The following SEMA6C variants were observed in gnomAD, a reference collection of about 807,000 sequenced individuals.
SEMA6C encodes the protein semaphorin 6C, also known as semaphorin-6C.
A neutral mutation model predicts 72.9 loss-of-function variants in SEMA6C; 37 were observed. The ratio of observed to expected loss-of-function variants is 0.51; its 90% CI spans 0.39 to 0.67. SEMA6C has a LOEUF of 0.67. Ranked by LOEUF, SEMA6C falls within the 30% of genes least tolerant of loss-of-function variation. The pLI is 0.00. For missense variants in SEMA6C, 1,189 were observed against 1,263.6 expected (o/e 0.94, Z 0.89); for synonymous variants, 578 against 554.1 (o/e 1.04, Z -0.61).
Position 151,139,448 on chromosome 1 carries a change from A to G in SEMA6C, c.331T>C (p.Cys111Arg), listed in dbSNP as rs1682344953. The change falls in exon 6 of 19, where the codon TGT becomes CGT. Residue 111 changes from cysteine to arginine, a missense_variant. Cys to Arg is a radical substitution (Grantham distance 180). Transcript: ENST00000368914. ...ACCGTCAGCTTTCCCCGTACAGCACAGTTCTCCACATCTTGGCTTCTCCAT... is the reference window on the plus strand; with the variant it reads ...ACCGTCAGCTTTCCCCGTACAGCACGGTTCTCCACATCTTGGCTTCTCCAT... ...LTWRSQDVENCAVRGKLTDEC... is the reference protein window; with the variant it reads ...LTWRSQDVENRAVRGKLTDEC... 6.2e-7 allele frequency: 1 copy of G among 1,614,146 alleles called. No homozygotes were observed. The highest frequency in any genetic ancestry group is 8.5e-7 in the Non-Finnish European group (1 of 1,179,978).
chr1:151,138,425 G>A lies in SEMA6C; in HGVS notation c.457-19C>T, dbSNP rs1265414747. On this transcript the variant is annotated intron_variant, in intron 7 of 18. Coordinates refer to ENST00000368914, the MANE Select transcript of SEMA6C (RefSeq NM_030913.6). ...AAGTTATCTGAGGGCAGAGGGAGCA[G>A]ATGCCTGGAACCTTTAGGGTCTTGG... 3 of 1,608,256 alleles carry A rather than the reference G, an allele frequency of 1.9e-6. No individual in the cohort carries two copies. In the Admixed American group the frequency reaches 5.0e-5, roughly 27 times the overall value.
Position 151,137,973 on chromosome 1 carries a change from G to C in SEMA6C, c.667+13C>G, listed in dbSNP as rs376430549. 2 of 1,612,270 alleles carry C rather than the reference G, an allele frequency of 1.2e-6. No homozygotes were observed. The highest frequency in any genetic ancestry group is 2.7e-5 in the African/African-American group (2 of 74,894). The stretch of plus-strand genomic sequence containing the variant: ...CCCCAATAACAGTCTCCTTTCCCCA[G>C]GCCCGCCCTGACCTCGGAGCCACTT... On this transcript the variant is annotated intron_variant, in intron 9 of 18. Coordinates refer to ENST00000368914, the MANE Select transcript of SEMA6C (RefSeq NM_030913.6).
chr1:151,142,960 G>A (rs587743997), intron 2 of SEMA6C, among the ~76,000 whole-genome samples: 1 of 152,206 alleles, frequency 6.6e-6, no homozygotes, highest in South Asian at 2.1e-4. Context: ...CTCCTGACTG[G>A]GTCTGGGACA....
In SEMA6C at chr1:151,132,771, CG is replaced by C; in HGVS notation, c.2505del (p.Ala836ArgfsTer62). 1 of 1,404,132 alleles carries C rather than the reference CG, an allele frequency of 7.1e-7. No homozygotes were observed. The highest frequency in any genetic ancestry group is 9.3e-7 in the Non-Finnish European group (1 of 1,076,452). 87.0% of individuals were successfully genotyped at this position (1,404,132 alleles called of 1,614,324 possible). On this transcript the variant is annotated frameshift_variant, in exon 19 of 19. Transcript: ENST00000368914. LOFTEE classifies it low-confidence loss of function (END_TRUNC). ...EGRCASAPAR[P>X]ALSAPAPRLG... is the part of the protein sequence containing the mutation. The stretch of plus-strand genomic sequence containing the variant: ...AGCCGGGGAGCGGGGGCGGAGAGCG[CG>C]GGCCGGGCGGGGGCAGAGGCGCACC...
chr1:151,132,232 G>A lies in SEMA6C; in HGVS notation c.*252C>T. ...TTGGCTGGAAGGGAGCGGGGAGTGG[G>A]AGTCCGCCAGCTCCCCCTGAAATGC... On this transcript the variant is annotated 3_prime_UTR_variant, in exon 19 of 19. Transcript: ENST00000368914. The A allele has an allele frequency of 6.6e-7, 1 of 1,511,956 alleles. No individual in the cohort carries two copies. Among genetic ancestry groups the A allele is most frequent in the African/African-American group, 1.4e-5 (1 of 72,706 alleles). The allele number at this position is 1,511,956 out of a possible 1,614,324, so 93.7% of individuals were successfully genotyped here.
chr1:151,135,462 G>T, intron 14 of SEMA6C, 129 bp downstream of exon 14: 1 of 1,444,000 alleles, frequency 6.9e-7, no homozygotes, highest in Non-Finnish European at 9.4e-7. Flanking sequence ...TTCTCGCCAA[G>T]CCTGTCTAGC....
chr1:151,133,668 T>C lies in SEMA6C; in HGVS notation c.1760-151A>G. On this transcript the variant is annotated intron_variant, in intron 18 of 18. Coordinates refer to ENST00000368914, the MANE Select transcript of SEMA6C (RefSeq NM_030913.6). This position sits in a 1 kb window ranked among gnomAD's most constrained non-coding sequence, Gnocchi z 5.9. The stretch of plus-strand genomic sequence containing the variant: ...CCTACAGCCTCCACCATCCTCAGGA[T>C]TCACCTCTCCTGACTCCTCAGCATA... The C allele has an allele frequency of 7.6e-7, 1 of 1,308,792 alleles. No homozygotes were observed. Among genetic ancestry groups the C allele is most frequent in the African/African-American group, 1.5e-5 (1 of 66,720 alleles). The allele number at this position is 1,308,792 out of a possible 1,614,324, so 81.1% of individuals were successfully genotyped here.
intron 17 of SEMA6C, 35 bp from the exon 18 acceptor site, chr1:151,134,480 A>G: frequency 1.9e-6 from 3 of 1,609,400 alleles, no homozygotes; most frequent in Non-Finnish European, 2.5e-6. Context: ...ATGGGGGGAA[A>G]GAGAAGCTTC....
Position 151,132,197 on chromosome 1 carries a change from T to A in SEMA6C, c.*287A>T. The A allele has an allele frequency of 6.9e-7, 1 of 1,453,964 alleles. No homozygotes were observed. Among genetic ancestry groups the A allele is most frequent in the Non-Finnish European group, 9.1e-7 (1 of 1,095,724 alleles). The allele number at this position is 1,453,964 out of a possible 1,614,324, so 90.1% of individuals were successfully genotyped here. A position where few individuals can be genotyped will look rare whatever the true frequency, so the allele number is the denominator to read the frequency against. Reference sequence around the variant, plus strand: ...CTCTGGGGGAGCCCCGAGGGGCGAGTTAAGGCAGCTTGGCTGGAAGGGAGC... The same window carrying A: ...CTCTGGGGGAGCCCCGAGGGGCGAGATAAGGCAGCTTGGCTGGAAGGGAGC... On this transcript the variant is annotated 3_prime_UTR_variant, in exon 19 of 19. Coordinates refer to ENST00000368914, the MANE Select transcript of SEMA6C (RefSeq NM_030913.6).
At chr1:151,142,433 G>A in intron 3 of SEMA6C, 71 bp downstream of exon 3, 1 of 1,582,622 alleles carries the variant, frequency 6.3e-7, no homozygotes, top group Non-Finnish European at 8.7e-7. Flanking sequence ...CCTGCACCTT[G>A]CCTCCCACAC....
In SEMA6C at chr1:151,135,026, C is replaced by A. The variant is rs144751449; in HGVS notation, c.1580+137G>T. 12 of 1,395,026 alleles carry A rather than the reference C, an allele frequency of 8.6e-6. No homozygotes were observed. In the East Asian group the frequency reaches 2.1e-4, roughly 24 times the overall value. 86.4% of individuals were successfully genotyped at this position (1,395,026 alleles called of 1,614,324 possible). A position where few individuals can be genotyped will look rare whatever the true frequency, so the allele number is the denominator to read the frequency against. On this transcript the variant is annotated intron_variant, in intron 15 of 18. Coordinates refer to ENST00000368914, the MANE Select transcript of SEMA6C (RefSeq NM_030913.6). ...TCTCCACACCCTGGTTGCTGCCCACCTTCAGAATGCTTGAGGTACCTAGGC... is the reference window on the plus strand; with the variant it reads ...TCTCCACACCCTGGTTGCTGCCCACATTCAGAATGCTTGAGGTACCTAGGC...
At chr1:151,141,408 CT>C (rs1682535897) in intron 3 of SEMA6C, among the ~76,000 whole-genome samples, 1 of 151,994 alleles carries the variant, frequency 6.6e-6, no homozygotes, top group Non-Finnish European at 1.5e-5. Context: ...AGGTAGAAGA[CT>C]TTTGTTTTTT....
At chr1:151,143,480 A>T (rs1259845971) in intron 2 of SEMA6C, among the ~76,000 whole-genome samples, 1 of 152,186 alleles carries the variant, frequency 6.6e-6, no homozygotes, top group African/African-American at 2.4e-5. Context: ...TGAGGGGGGA[A>T]GAGCAGACCC....
chr1:151,137,797 GCT>G lies in SEMA6C; in HGVS notation c.668_669del (p.Glu223AlafsTer40). 1 of 1,612,726 alleles carries G rather than the reference GCT, an allele frequency of 6.2e-7. No individual in the cohort carries two copies. Among genetic ancestry groups the G allele is most frequent in the Non-Finnish European group, 8.5e-7 (1 of 1,178,984 alleles). On this transcript the variant is annotated frameshift_variant and splice_region_variant, in exon 10 of 19. Transcript: ENST00000368914. LOFTEE classifies it high-confidence loss of function. ...SAKYDSKWLR[E>X]PHFVQALEHG... ...TGCTCCAAGGCCTGGACAAAGTGTG[GCT>G]CTAAGATGGGGAATGACAGGAAAGG...
In SEMA6C at chr1:151,135,232, A is replaced by G. The variant is rs757357663; in HGVS notation, c.1511T>C (p.Phe504Ser). 1.1e-5 allele frequency: 18 copies of G among 1,614,106 alleles called. No individual in the cohort carries two copies. Among genetic ancestry groups the G allele is most frequent in the Non-Finnish European group, 1.5e-5 (18 of 1,180,036 alleles). ...LELDTEGHRL[F>S]VAFSGCIVYL... is the part of the protein sequence containing the mutation. Reference sequence around the variant, plus strand: ...GACAATACAGCCAGAAAAAGCCACAAAAAGCCTGTGACCCTCAGTGTCCAG... The same window carrying G: ...GACAATACAGCCAGAAAAAGCCACAGAAAGCCTGTGACCCTCAGTGTCCAG... The change falls in exon 15 of 19, where the codon TTT becomes TCT. Residue 504 changes from phenylalanine (F) to serine (S), a missense_variant. By Grantham distance (155) the Phe-to-Ser change is radical. Transcript: ENST00000368914.
chr1:151,139,601 T>C, intron 5 of SEMA6C, 37 bp downstream of exon 5: 1 of 1,606,796 alleles, frequency 6.2e-7, no homozygotes. Context: ...CCCAGCCTCA[T>C]CTCCACGTCT....
At position 151,132,247 on chromosome 1, in the gene SEMA6C, C is replaced by T. The variant is rs751343605; in HGVS notation, c.*237G>A. On this transcript the variant is annotated 3_prime_UTR_variant, in exon 19 of 19. Transcript: ENST00000368914. ...CGGGGAGTGGGAGTCCGCCAGCTCC[C>T]CCTGAAATGCTGGCTCACTGAGGAG... is the stretch of plus-strand genomic sequence containing the variant. 1.3e-6 allele frequency: 2 copies of T among 1,522,558 alleles called. No homozygotes were observed. The highest frequency in any genetic ancestry group is 8.8e-7 in the Non-Finnish European group (1 of 1,138,752). 94.3% of individuals were successfully genotyped at this position (1,522,558 alleles called of 1,614,324 possible).
In SEMA6C at chr1:151,132,807, G is replaced by A; in HGVS notation, c.2470C>T (p.Pro824Ser). 7.5e-7 allele frequency: 1 copy of A among 1,333,168 alleles called. No individual in the cohort carries two copies. The highest frequency in any genetic ancestry group is 9.6e-7 in the Non-Finnish European group (1 of 1,040,208). 82.6% of individuals were successfully genotyped at this position (1,333,168 alleles called of 1,614,324 possible). A position where few individuals can be genotyped will look rare whatever the true frequency, so the allele number is the denominator to read the frequency against. ...GGGGCAGAGGCGCACCTGCCCTCGG[G>A]GGGCACGTCCAGCCTCAGCGGCGAG... ...CASPLRLDVP[P>S]EGRCASAPAR... Residue 824 changes from proline (P) to serine (S), a missense_variant, in exon 19 of 19, where the codon CCC becomes TCC. Physicochemically the swap from Pro to Ser is moderately conservative, Grantham distance 74. Around this residue, in one of 2 missense-constraint regions of SEMA6C, gnomAD observed 721 missense variants for 686.2 expected, o/e 1.05. Transcript: ENST00000368914.
intron 16 of SEMA6C, 54 bp downstream of exon 16, chr1:151,134,744 T>G: frequency 2.5e-6 from 4 of 1,612,648 alleles, no homozygotes; most frequent in Non-Finnish European, 2.5e-6. Flanking sequence ...GCCCTCAGCT[T>G]GTCTTATTGG....
Sources: allele counts gnomAD v4.1 joint callset (sites outside exome capture counted in the v4.1 genomes callset), GRCh38; gene constraint gnomAD v4.1.1; regional missense constraint gnomAD v4.1.1; non-coding constraint Gnocchi (gnomAD v3.1); transcripts MANE v1.5; gene names NCBI Gene and HGNC (gene_info 2026-07-23, HGNC 2026-07-21).